Variants in KALRN observed in about 807,000 individuals in gnomAD.
KALRN encodes the protein kalirin.
In KALRN, 70 loss-of-function variants were observed where a neutral mutation model predicts 353.7. The ratio of observed to expected loss-of-function variants is 0.20; its 90% confidence interval spans 0.16 to 0.24. KALRN has a LOEUF of 0.24. Among genes scored for constraint, KALRN ranks in the 10% least tolerant of loss-of-function variants. KALRN has a pLI of 1.00. For synonymous variants in KALRN, 1,391 were observed against 1,434.8 expected (o/e 0.97, Z 0.69); for missense variants, 2,791 against 3,756.7 (o/e 0.74, Z 6.72).
At chr3:124,122,376 G>T (rs1369984398) in intron 1 of KALRN, among the ~76,000 whole-genome samples, 4 of 152,134 alleles carry the variant, frequency 2.6e-5, no homozygotes, top group African/African-American at 9.7e-5. Context: ...TGATATGCAT[G>T]AAAGCTTGAC....
intron 33 of KALRN, among the ~76,000 whole-genome samples, chr3:124,562,058 G>T (rs1234131521): frequency 6.6e-6 from 1 of 152,144 alleles, no homozygotes; most frequent in Non-Finnish European, 1.5e-5. Context: ...TGCCAGTGTG[G>T]AGACAAGCCA....
At chr3:124,168,080 G>A (rs928674542) in intron 1 of KALRN, among the ~76,000 whole-genome samples, 2 of 152,142 alleles carry the variant, frequency 1.3e-5, no homozygotes, top group African/African-American at 4.8e-5. Flanking sequence ...TTGCTGAAAA[G>A]GTTTTTGGTT....
chr3:124,679,752 CT>C, intron 51 of KALRN: 1 of 574,696 alleles, frequency 1.7e-6, no homozygotes, highest in Non-Finnish European at 3.2e-6. Context: ...ATCTTGAATG[CT>C]TGCTAAATAT....
At chr3:124,635,681 TCTC>T (rs1430524644) in intron 36 of KALRN, among the ~76,000 whole-genome samples, 3 of 152,192 alleles carry the variant, frequency 2.0e-5, no homozygotes, top group Admixed American at 6.5e-5. Flanking sequence ...GCAATTGTCT[TCTC>T]CTTGTTTCCT....
At chr3:124,130,855 C>G (rs562134602) in intron 1 of KALRN, among the ~76,000 whole-genome samples, 1 of 152,056 alleles carries the variant, frequency 6.6e-6, no homozygotes, top group Non-Finnish European at 1.5e-5. Context: ...TAGAAGATTG[C>G]GAAAGGAAGC....
At chr3:124,536,486 G>A (rs533647235) in intron 33 of KALRN, among the ~76,000 whole-genome samples, 1 of 152,326 alleles carries the variant, frequency 6.6e-6, no homozygotes, top group East Asian at 1.9e-4. Context: ...ATAGGCGTGA[G>A]CCACCATGTC....
At chr3:124,242,713 G>A (rs769530684) in intron 3 of KALRN, among the ~76,000 whole-genome samples, 3 of 152,176 alleles carry the variant, frequency 2.0e-5, no homozygotes, top group Admixed American at 6.5e-5. Flanking sequence ...AATACAGGTG[G>A]TAATTACCTC....
intron 14 of KALRN, among the ~76,000 whole-genome samples, chr3:124,415,580 A>G (rs1314033963): frequency 1.3e-5 from 2 of 152,240 alleles, no homozygotes; most frequent in Non-Finnish European, 1.5e-5. Context: ...AGCCCTGTAC[A>G]CAAGAGTACG....
chr3:124,382,126 C>T (rs543321098), intron 10 of KALRN, among the ~76,000 whole-genome samples: 2 of 152,280 alleles, frequency 1.3e-5, no homozygotes, highest in South Asian at 4.1e-4. Flanking sequence ...ACCTCAGTTT[C>T]TTCATCTGTA....
At position 124,678,202 on chromosome 3, in the gene KALRN, A is replaced by G. The variant is rs769660394; in HGVS notation, c.7206A>G (p.Ser2402=). 2.6e-5 allele frequency: 42 copies of G among 1,613,706 alleles called. No individual in the cohort carries two copies. The highest frequency in any genetic ancestry group is 4.2e-6 in the Non-Finnish European group (5 of 1,179,854). ...SSDGSIKKSC[S]WHTLRMRKRA... ...TTTGGTACAACAGGAAGTCATGTTC[A>G]TGGCATACTCTACGCATGAGAAAGC... The change falls in exon 50 of 60, where the codon TCA becomes TCG. Residue 2402 remains serine, a synonymous_variant. Coordinates refer to ENST00000682506, the MANE Select transcript of KALRN (RefSeq NM_001388419.1).
rs77374945 is a variant in KALRN, at chr3:124,318,171, G to A, written c.1093-7809G>A. On this transcript the variant is annotated intron_variant, in intron 6 of 59. Coordinates refer to ENST00000682506, the MANE Select transcript of KALRN (RefSeq NM_001388419.1). ...CAGGCCAGAGGGACAGGACTCGTGAGCCAATGTTATCTTTGCTGGGCACTG... is the reference window on the plus strand; with the variant it reads ...CAGGCCAGAGGGACAGGACTCGTGAACCAATGTTATCTTTGCTGGGCACTG... Among the ~76,000 whole-genome samples the A allele has an allele frequency of 0.019, 2,935 of 152,288 alleles. 164 individuals carry two copies. In the East Asian group the frequency reaches 0.2, roughly 11 times the overall value.
intron 33 of KALRN, among the ~76,000 whole-genome samples, chr3:124,557,970 C>T (rs978116810): frequency 3.9e-5 from 6 of 152,034 alleles, no homozygotes; most frequent in Non-Finnish European, 8.8e-5. Flanking sequence ...AGAGTGAATC[C>T]TCATTTTGCA....
chr3:124,229,620 G>A (rs1424064358), intron 2 of KALRN, among the ~76,000 whole-genome samples: 2 of 152,194 alleles, frequency 1.3e-5, no homozygotes, highest in Non-Finnish European at 2.9e-5. Context: ...AAGAGGAGGC[G>A]GGAAGAGGAT....
intron 5 of KALRN, among the ~76,000 whole-genome samples, chr3:124,278,028 G>GTGTGTGTGTGTGT (rs1553889104): frequency 1.3e-5 from 2 of 150,424 alleles, no homozygotes; most frequent in Admixed American, 6.6e-5. Flanking sequence ...GTGTGTGTGT[G>GTGTGTGTGTGTGT]GTGCAGGGCA....
intron 37 of KALRN, among the ~76,000 whole-genome samples, chr3:124,645,351 T>G (rs2082570503): frequency 6.6e-6 from 1 of 152,252 alleles, no homozygotes; most frequent in Non-Finnish European, 1.5e-5. Context: ...ATTTGTCAAT[T>G]TTGGCTTTTG....
chr3:124,515,476 C>T (rs772434551), intron 33 of KALRN, among the ~76,000 whole-genome samples: 2 of 152,176 alleles, frequency 1.3e-5, no homozygotes, highest in African/African-American at 2.4e-5. Context: ...TGATATCCTG[C>T]AAAACTCAGC....
intron 25 of KALRN, among the ~76,000 whole-genome samples, chr3:124,472,937 G>A (rs1161654783): frequency 6.6e-6 from 1 of 152,166 alleles, no homozygotes; most frequent in Non-Finnish European, 1.5e-5. Flanking sequence ...ACTGGGTACA[G>A]CTAGGAGTCT....
intron 23 of KALRN, among the ~76,000 whole-genome samples, chr3:124,460,689 G>A (rs1159202767): frequency 1.3e-5 from 2 of 152,196 alleles, no homozygotes; most frequent in African/African-American, 4.8e-5. Flanking sequence ...GACCTGGAGA[G>A]GCAAGTCCTA....
chr3:124,143,502 A>G (rs990386584), intron 1 of KALRN, among the ~76,000 whole-genome samples: 3 of 152,190 alleles, frequency 2.0e-5, no homozygotes, highest in Non-Finnish European at 4.4e-5. Context: ...CAGCTCTGCA[A>G]CTTGCGAGCT....
Sources: allele counts gnomAD v4.1 joint callset (sites outside exome capture counted in the v4.1 genomes callset), GRCh38; gene constraint gnomAD v4.1.1; transcripts MANE v1.5; gene names NCBI Gene and HGNC (gene_info 2026-07-23, HGNC 2026-07-21).